Variants in TANC1 observed in about 807,000 individuals in gnomAD.
TANC1 encodes the protein protein TANC1.
Under a neutral mutation model 149.7 loss-of-function variants are expected in TANC1, and 77 were observed. That is an observed-to-expected ratio of 0.51 (90% CI 0.43 to 0.62). The LOEUF (loss-of-function observed/expected upper bound fraction) is 0.62. TANC1 is among the 20% of genes least tolerant of loss of function. The pLI is 0.00. For synonymous variants in TANC1, 854 were observed against 925.0 expected (o/e 0.92, Z 1.39); for missense variants, 1,985 against 2,321.8 (o/e 0.85, Z 2.98).
At chr2:159,185,511 G>C (rs574768614) in intron 14 of TANC1, among the ~76,000 whole-genome samples, 1 of 152,316 alleles carries the variant, frequency 6.6e-6, no homozygotes, top group Admixed American at 6.5e-5. Flanking sequence ...TCTACCCCTA[G>C]TGGTGGTGAT....
intron 3 of TANC1, among the ~76,000 whole-genome samples, chr2:159,094,356 A>C (rs1021548146): frequency 6.6e-6 from 1 of 152,178 alleles, no homozygotes; most frequent in Non-Finnish European, 1.5e-5. Context: ...GTGCTTTCCA[A>C]GTTCTGATCT....
At position 159,175,146 on chromosome 2, in the gene TANC1, A is replaced by G. The variant is rs374580163; in HGVS notation, c.1697A>G (p.Lys566Arg). 3.7e-5 allele frequency: 59 copies of G among 1,614,012 alleles called. No individual in the cohort carries two copies. Among genetic ancestry groups the G allele is most frequent in the Non-Finnish European group, 4.7e-5 (56 of 1,180,024 alleles). Residue 566 changes from lysine to arginine, a missense_variant, in exon 12 of 27, where the codon AAG becomes AGG. Around this residue, in one of 3 missense-constraint regions of TANC1, gnomAD observed 508 missense variants for 714.2 expected, o/e 0.71. Transcript: ENST00000263635. ...GTGCAGGACCCGGTGGCAGCTTTCA[A>G]GAGGGGAGTGCTGGAGCCACTCACA... ...SCVQDPVAAF[K>R]RGVLEPLTNL...
At chr2:159,136,049 T>TGTGTGTGTGTGTGTGTGTGCGCGTGC (rs758453978) in intron 4 of TANC1, 145 bp from the exon 5 acceptor site, 1 of 90,772 alleles carries the variant, frequency 1.1e-5, no homozygotes, top group South Asian at 8.8e-5. Context: ...TGTGTGTGTG[T>TGTGTGTGTGTGTGTGTGTGCGCGTGC]GCGCGCGCGC....
chr2:159,172,096 T>C (rs1220693861), intron 10 of TANC1, 25 bp from the exon 11 acceptor site: 1 of 1,610,780 alleles, frequency 6.2e-7, no homozygotes, highest in Admixed American at 1.7e-5. Context: ...GTGATGTACA[T>C]AATGAAATGG....
rs772965429 is a variant in TANC1, at chr2:159,224,338, C to T, written c.3785C>T (p.Ala1262Val). 1.2e-5 allele frequency: 20 copies of T among 1,614,132 alleles called. No homozygotes were observed. Among genetic ancestry groups the T allele is most frequent in the East Asian group, 2.2e-5 (1 of 44,880 alleles). The change falls in exon 23 of 27, where the codon GCG (alanine) becomes GTG (valine). Residue 1262 changes from alanine to valine, a missense_variant. Ala to Val is a moderately conservative substitution (Grantham distance 64). Coordinates refer to ENST00000263635, the MANE Select transcript of TANC1 (RefSeq NM_033394.3). ...TGCCGGAACACATCTGTAGTGGTGG[C>T]GCTACTCAGAAAGGGAGCCAAGTTA... ...IGCRNTSVVVALLRKGAKLGN... is the reference protein window; with the variant it reads ...IGCRNTSVVVVLLRKGAKLGN...
intron 19 of TANC1, among the ~76,000 whole-genome samples, chr2:159,212,480 T>C (rs2059054377): frequency 6.6e-6 from 1 of 152,208 alleles, no homozygotes; most frequent in Non-Finnish European, 1.5e-5. Context: ...ATCCCTACCC[T>C]TCACAGTTCT....
Position 159,129,831 on chromosome 2 carries a change from A to G in TANC1, c.260-6363A>G, listed in dbSNP as rs1272419658. Among the ~76,000 whole-genome samples the G allele has an allele frequency of 2.0e-5, 3 of 152,112 alleles. No homozygotes were observed. In the East Asian group the frequency reaches 5.8e-4, roughly 29 times the overall value. On this transcript the variant is annotated intron_variant, in intron 4 of 26. Coordinates refer to ENST00000263635, the MANE Select transcript of TANC1 (RefSeq NM_033394.3). ...TGCCCATTTATCTTAAATCTTGTAA[A>G]CTGAACACGTTGGTGCTCCACTCAC...
intron 2 of TANC1, among the ~76,000 whole-genome samples, chr2:159,034,664 T>C (rs1454784828): frequency 4.6e-5 from 7 of 152,220 alleles, no homozygotes; most frequent in Admixed American, 4.6e-4. Flanking sequence ...TTTTAATGCC[T>C]TTTGCTACTC....
chr2:159,174,804 C>G (rs1162177143), intron 11 of TANC1, 149 bp from the exon 12 acceptor site: 2 of 711,976 alleles, frequency 2.8e-6, no homozygotes, highest in Admixed American at 4.0e-5. Context: ...ATAAATGGAA[C>G]AATTATGCTA....
At chr2:159,032,567 C>T (rs542494939) in intron 2 of TANC1, among the ~76,000 whole-genome samples, 5 of 152,136 alleles carry the variant, frequency 3.3e-5, no homozygotes, top group Non-Finnish European at 7.3e-5. Flanking sequence ...AATATAACAG[C>T]CTGTAATCTA....
intron 4 of TANC1, among the ~76,000 whole-genome samples, chr2:159,127,557 A>G (rs2049589316): frequency 6.6e-6 from 1 of 152,260 alleles, no homozygotes; most frequent in Non-Finnish European, 1.5e-5. Flanking sequence ...AATCAACCCA[A>G]ATGCCCATCA....
Position 159,089,826 on chromosome 2 carries a change from G to A in TANC1, c.62-7811G>A, listed in dbSNP as rs76011683. Among the ~76,000 whole-genome samples, 111 of 152,338 alleles carry A rather than the reference G, an allele frequency of 7.3e-4. 2 individuals are homozygous for A. The East Asian group carries it at 0.012, about 16-fold the overall frequency. ...TGGCACTCTTCTTCCTGTTATGCCC[G>A]TGTCCACTGTAGTCAGCTGCAAACA... On this transcript the variant is annotated intron_variant, in intron 3 of 26. Transcript: ENST00000263635.
chr2:159,075,571 C>T (rs567373195), intron 3 of TANC1, among the ~76,000 whole-genome samples: 2 of 152,054 alleles, frequency 1.3e-5, no homozygotes, highest in Non-Finnish European at 2.9e-5. Context: ...GTAGTAAGAC[C>T]TTGTCTCCAC....
At chr2:159,069,413 G>A (rs893208644) in intron 3 of TANC1, among the ~76,000 whole-genome samples, 5 of 152,192 alleles carry the variant, frequency 3.3e-5, no homozygotes, top group African/African-American at 1.2e-4. Flanking sequence ...TTAGGACCTT[G>A]ATCTAAAATA....
intron 4 of TANC1, among the ~76,000 whole-genome samples, chr2:159,106,360 C>T (rs2047183577): frequency 1.3e-5 from 2 of 152,158 alleles, no homozygotes; most frequent in African/African-American, 4.8e-5. Flanking sequence ...CACGAGTCTA[C>T]TTTATGTCTC....
intron 10 of TANC1, among the ~76,000 whole-genome samples, chr2:159,171,644 G>A (rs1210406428): frequency 6.6e-6 from 1 of 152,044 alleles, no homozygotes; most frequent in Non-Finnish European, 1.5e-5. Context: ...ATCACCTAAG[G>A]TCAGGAGATT....
At chr2:159,120,891 G>A (rs189322129) in intron 4 of TANC1, among the ~76,000 whole-genome samples, 6 of 152,120 alleles carry the variant, frequency 3.9e-5, no homozygotes, top group Admixed American at 1.3e-4. Flanking sequence ...ATGAGCCACC[G>A]TGTCTGGCCT....
chr2:158,989,800 A>G (rs2035422441), intron 1 of TANC1, among the ~76,000 whole-genome samples: 1 of 152,188 alleles, frequency 6.6e-6, no homozygotes, highest in Non-Finnish European at 1.5e-5. Flanking sequence ...TCAGAATAGC[A>G]TAATGGAAAG....
intron 16 of TANC1, among the ~76,000 whole-genome samples, chr2:159,189,285 A>G (rs756787096): frequency 6.6e-6 from 1 of 152,104 alleles, no homozygotes; most frequent in Non-Finnish European, 1.5e-5. Context: ...GACCTTGAGG[A>G]TGTGATGGTT....
Sources: gnomAD v4.1 joint callset for allele counts (sites outside exome capture counted in the v4.1 genomes callset) on GRCh38, gnomAD v4.1.1 for gene constraint, gnomAD v4.1.1 regional missense constraint, MANE v1.5 for transcripts, NCBI Gene and HGNC (gene_info 2026-07-23, HGNC 2026-07-21) for gene names.